Variants in GALNT13 observed in about 807,000 individuals in gnomAD.
GALNT13 encodes the protein polypeptide N-acetylgalactosaminyltransferase 13, also known as UDP-GalNAc:polypeptide N-acetylgalactosaminyltransferase 13.
GALNT13 carries 28 observed loss-of-function variants against 64.2 expected under a neutral mutation model. The observed-to-expected ratio is 0.44, with a 90% confidence interval of 0.32 to 0.60. The LOEUF (loss-of-function observed/expected upper bound fraction) is 0.60. Among genes scored for constraint, GALNT13 ranks in the 20% least tolerant of loss-of-function variants. The pLI is 0.05. For synonymous variants in GALNT13, 214 were observed against 224.6 expected (o/e 0.95, Z 0.42); for missense variants, 577 against 669.8 (o/e 0.86, Z 1.53).
chr2:153,349,883 A>G, the GALNT13 span, among the ~76,000 whole-genome samples: 4 of 152,116 alleles, frequency 2.6e-5, no homozygotes, highest in African/African-American at 9.7e-5. Flanking sequence ...AAGAACTAAA[A>G]ATCCCTAATT....
chr2:153,739,564 T>TTTTA, the GALNT13 span, among the ~76,000 whole-genome samples: 104,496 of 141,156 alleles, frequency 0.74, 40,426 homozygotes, highest in Non-Finnish European at 0.86. Flanking sequence ...TTATTTATTA[T>TTTTA]TTTATTTATT....
chr2:154,203,507 T>G (rs949106493), intron 4 of GALNT13, among the ~76,000 whole-genome samples: 1 of 152,152 alleles, frequency 6.6e-6, no homozygotes, highest in African/African-American at 2.4e-5. Flanking sequence ...TGACAATTTT[T>G]TTCACTATAA....
At chr2:153,961,157 A>G (rs1292401087) in intron 3 of GALNT13, among the ~76,000 whole-genome samples, 1 of 152,190 alleles carries the variant, frequency 6.6e-6, no homozygotes, top group Admixed American at 6.5e-5. Context: ...AAGAAACATT[A>G]CTTGAATACT....
chr2:153,159,007 G>T, the GALNT13 span: 1 of 167,594 alleles, frequency 6.0e-6, no homozygotes, highest in East Asian at 1.4e-4. Flanking sequence ...GCCCTCCCCA[G>T]TCCAGGGGTA....
At chr2:153,847,399 C>T in the GALNT13 span, among the ~76,000 whole-genome samples, 2 of 39,444 alleles carry the variant, frequency 5.1e-5, no homozygotes, top group East Asian at 2.3e-4. Context: ...TGTGCTCATG[C>T]GCACACACAC....
chr2:154,318,036 C>A (rs919525741), intron 9 of GALNT13, among the ~76,000 whole-genome samples: 5 of 152,028 alleles, frequency 3.3e-5, no homozygotes, highest in African/African-American at 1.2e-4. Flanking sequence ...AGACAAATGC[C>A]TTTCTTTAAA....
the GALNT13 span, among the ~76,000 whole-genome samples, chr2:153,574,756 T>A: frequency 2.0e-5 from 3 of 151,822 alleles, no homozygotes; most frequent in African/African-American, 7.3e-5. Context: ...TTCTGAATTC[T>A]TTGAATTCAG....
intron 4 of GALNT13, among the ~76,000 whole-genome samples, chr2:154,202,712 T>C (rs1318803719): frequency 2.0e-5 from 3 of 152,030 alleles, no homozygotes; most frequent in African/African-American, 7.2e-5. Context: ...TTAAGAAGCT[T>C]TGTTTATGTT....
intron 3 of GALNT13, among the ~76,000 whole-genome samples, chr2:153,994,472 G>C (rs1230689262): frequency 6.6e-6 from 1 of 152,172 alleles, no homozygotes; most frequent in Non-Finnish European, 1.5e-5. Context: ...TCTTGTTCTA[G>C]ATCCTTGAGG....
chr2:154,438,874 G>A, intron 12 of GALNT13, 148 bp downstream of exon 12: 1 of 594,188 alleles, frequency 1.7e-6, no homozygotes, highest in Non-Finnish European at 2.9e-6. Flanking sequence ...GTAATATTAG[G>A]ATGGCATATC....
At chr2:154,421,967 A>G (rs561809315) in intron 11 of GALNT13, among the ~76,000 whole-genome samples, 1 of 152,220 alleles carries the variant, frequency 6.6e-6, no homozygotes, top group African/African-American at 2.4e-5. Flanking sequence ...AAGTTCTGAT[A>G]AGGACAGGAA....
At chr2:154,016,642 T>C (rs968039880) in intron 3 of GALNT13, among the ~76,000 whole-genome samples, 2 of 152,048 alleles carry the variant, frequency 1.3e-5, no homozygotes, top group African/African-American at 4.8e-5. Flanking sequence ...GGTCTTGAAC[T>C]CCTGACCTCA....
At chr2:153,586,666 A>C in the GALNT13 span, among the ~76,000 whole-genome samples, 1 of 152,176 alleles carries the variant, frequency 6.6e-6, no homozygotes, top group Admixed American at 6.5e-5. Context: ...CTTCAATTTA[A>C]CTTCAGACCA....
At chr2:154,006,020 A>G (rs1696225424) in intron 3 of GALNT13, among the ~76,000 whole-genome samples, 1 of 152,208 alleles carries the variant, frequency 6.6e-6, no homozygotes, top group Non-Finnish European at 1.5e-5. Flanking sequence ...AAATGGGTAC[A>G]TTCATTAAGT....
chr2:153,810,439 T>G, the GALNT13 span, among the ~76,000 whole-genome samples: 2 of 152,226 alleles, frequency 1.3e-5, no homozygotes, highest in African/African-American at 2.4e-5. Flanking sequence ...ATTAAAGTTA[T>G]TATAATTATT....
At chr2:153,214,505 G>A in the GALNT13 span, among the ~76,000 whole-genome samples, 1 of 152,138 alleles carries the variant, frequency 6.6e-6, no homozygotes, top group African/African-American at 2.4e-5. Context: ...AAAACAGATT[G>A]CATGCCATTG....
chr2:153,899,190 G>A (rs1383277062), intron 1 of GALNT13, among the ~76,000 whole-genome samples: 1 of 152,152 alleles, frequency 6.6e-6, no homozygotes, highest in African/African-American at 2.4e-5. Flanking sequence ...TGCTCTGGAT[G>A]CAACCTAGAA....
At chr2:154,225,164 A>AGAT (rs1468456273) in intron 4 of GALNT13, among the ~76,000 whole-genome samples, 1,147 of 95,136 alleles carry the variant, frequency 0.012, 6 homozygotes, top group Non-Finnish European at 0.018. Flanking sequence ...GATAGATGAT[A>AGAT]GATAGATAGA....
chr2:153,232,121 A>G, the GALNT13 span, among the ~76,000 whole-genome samples: 1 of 152,208 alleles, frequency 6.6e-6, no homozygotes, highest in African/African-American at 2.4e-5. Context: ...TTTTCAAATC[A>G]ATTTCTATGC....
Sources: gnomAD v4.1 joint callset for allele counts (sites outside exome capture counted in the v4.1 genomes callset) on GRCh38, gnomAD v4.1.1 for gene constraint, MANE v1.5 for transcripts, NCBI Gene and HGNC (gene_info 2026-07-23, HGNC 2026-07-21) for gene names.